The following PLXNA4 variants were observed in gnomAD, a reference collection of about 807,000 sequenced individuals.
PLXNA4 encodes plexin-A4.
In PLXNA4, 44 loss-of-function variants were observed where a neutral mutation model predicts 191.8. The ratio of observed to expected loss-of-function variants is 0.23; its 90% CI spans 0.18 to 0.29. The LOEUF is 0.29. PLXNA4 is among the 10% of genes least tolerant of loss of function. The probability of loss-of-function intolerance (pLI) is 1.00; values close to 1 mark genes in which losing one functional copy is unlikely to be tolerated. For synonymous variants in PLXNA4, 1,082 were observed against 1,009.5 expected (o/e 1.07, Z -1.36); for missense variants, 1,800 against 2,488.8 (o/e 0.72, Z 5.89).
At chr7:132,315,304 A>G (rs1358685388) in intron 3 of PLXNA4, among the ~76,000 whole-genome samples, 1 of 152,248 alleles carries the variant, frequency 6.6e-6, no homozygotes, top group Non-Finnish European at 1.5e-5. Context: ...ACACATTTCA[A>G]ATAAGATTTG....
chr7:132,440,104 C>G (rs893215207), intron 3 of PLXNA4, among the ~76,000 whole-genome samples: 1 of 152,062 alleles, frequency 6.6e-6, no homozygotes, highest in African/African-American at 2.4e-5. Context: ...TCTCCGATTT[C>G]CCCACAAGTG....
chr7:132,198,180 T>C (rs989758019), intron 13 of PLXNA4, among the ~76,000 whole-genome samples: 1 of 152,192 alleles, frequency 6.6e-6, no homozygotes, highest in African/African-American at 2.4e-5. Flanking sequence ...TTTACACTTC[T>C]CTTGCAGATT....
chr7:132,546,615 C>T (rs1800318289), intron 1 of PLXNA4, among the ~76,000 whole-genome samples: 1 of 152,250 alleles, frequency 6.6e-6, no homozygotes, highest in South Asian at 2.1e-4. Flanking sequence ...TTTAATAATA[C>T]ACTGGAGAGC....
chr7:132,142,011 G>T (rs559498257), intron 29 of PLXNA4, among the ~76,000 whole-genome samples: 2 of 152,186 alleles, frequency 1.3e-5, no homozygotes, highest in Non-Finnish European at 2.9e-5. Context: ...AATACAAGGC[G>T]TGAGCCACTG....
chr7:132,255,900 G>C (rs1487838359), intron 4 of PLXNA4, among the ~76,000 whole-genome samples: 3 of 152,264 alleles, frequency 2.0e-5, no homozygotes, highest in Non-Finnish European at 4.4e-5. Context: ...GAAAAGTTAA[G>C]AAAAGACAGG....
intron 2 of PLXNA4, among the ~76,000 whole-genome samples, chr7:132,500,270 C>T (rs910416229): frequency 6.6e-6 from 1 of 152,156 alleles, no homozygotes; most frequent in African/African-American, 2.4e-5. Flanking sequence ...TGATGAAACC[C>T]TGTCTGTACT....
chr7:132,562,804 T>TCC (rs2116674033), intron 1 of PLXNA4, among the ~76,000 whole-genome samples: 1 of 17,636 alleles, frequency 5.7e-5, no homozygotes, highest in Non-Finnish European at 1.4e-4. Context: ...ACCTCCTCCT[T>TCC]CTCCTCCTCC....
At chr7:132,601,729 T>A (rs1802824627) in intron 2 of PLXNA4, among the ~76,000 whole-genome samples, 1 of 152,296 alleles carries the variant, frequency 6.6e-6, no homozygotes, top group South Asian at 2.1e-4. Flanking sequence ...CAGTTTGGGG[T>A]CTTTTTCTGT....
At chr7:132,302,247 G>A (rs1452022449) in intron 3 of PLXNA4, among the ~76,000 whole-genome samples, 1 of 152,082 alleles carries the variant, frequency 6.6e-6, no homozygotes, top group Non-Finnish European at 1.5e-5. Context: ...ATGTGCAAAT[G>A]ATTCTAAACT....
upstream of PLXNA4, among the ~76,000 whole-genome samples, chr7:132,581,248 G>T (rs151316499): frequency 4.9e-4 from 75 of 152,328 alleles, no homozygotes; most frequent in African/African-American, 1.6e-3. Context: ...GCCTTTCAAG[G>T]AAGATGAGGG....
At chr7:132,539,170 C>T (rs1290732349) in intron 1 of PLXNA4, among the ~76,000 whole-genome samples, 1 of 152,186 alleles carries the variant, frequency 6.6e-6, no homozygotes, top group Non-Finnish European at 1.5e-5. Flanking sequence ...CAGGGAGTCT[C>T]AAGAGATTGA....
Position 132,501,892 on chromosome 7 carries a change from T to C in PLXNA4, c.1188+5614A>G, listed in dbSNP as rs148996294. On this transcript the variant is annotated intron_variant, in intron 2 of 31. Coordinates refer to ENST00000321063, the MANE Select transcript of PLXNA4 (RefSeq NM_020911.2). ...TGGGACATGAGTGTGGCATGGGCCA[T>C]GGTGTGTATGGCAAGTGTAGTGGAG... Among the ~76,000 whole-genome samples the C allele has an allele frequency of 2.9e-3, 437 of 152,334 alleles. 3 individuals are homozygous for C. The highest frequency in any genetic ancestry group is 0.01 in the African/African-American group (420 of 41,592).
intron 3 of PLXNA4, among the ~76,000 whole-genome samples, chr7:132,450,444 T>A (rs893513705): frequency 4.6e-5 from 7 of 152,180 alleles, no homozygotes; most frequent in African/African-American, 1.7e-4. Context: ...TCAGAACCAA[T>A]ACCGTAAATG....
rs1335346998 is a variant in PLXNA4, at chr7:132,562,021, CCTCCTCCTT to C, written c.-87+14392_-87+14400del. On this transcript the variant is annotated intron_variant, in intron 1 of 31. Coordinates refer to ENST00000321063, the MANE Select transcript of PLXNA4 (RefSeq NM_020911.2). ...TCTGCCTCCTCCTCCTACTCCTCCT[CCTCCTCCTT>C]CTCCTCCTCTTCCTCCTCCTCTCCC... 1.0e-3 allele frequency among the ~76,000 whole-genome samples: 107 copies of C among 104,348 alleles called. 1 individual carries two copies. The highest frequency in any genetic ancestry group is 2.1e-3 in the Non-Finnish European group (93 of 44,112). 68.5% of individuals were successfully genotyped at this position (104,348 alleles called of 152,430 possible).
At chr7:132,282,353 G>A (rs563716579) in intron 4 of PLXNA4, among the ~76,000 whole-genome samples, 14 of 151,908 alleles carry the variant, frequency 9.2e-5, no homozygotes, top group Non-Finnish European at 2.9e-5. Context: ...CAGGTGGATC[G>A]CTTGAGCTCA....
chr7:132,386,684 A>G (rs1805158539), intron 3 of PLXNA4, among the ~76,000 whole-genome samples: 1 of 152,150 alleles, frequency 6.6e-6, no homozygotes, highest in African/African-American at 2.4e-5. Flanking sequence ...TGAAATACCC[A>G]GCATTCTGCC....
Position 132,216,545 on chromosome 7 carries a change from T to C in PLXNA4, c.2098-5402A>G, listed in dbSNP as rs140027591. Among the ~76,000 whole-genome samples, 73 of 152,324 alleles carry C rather than the reference T, an allele frequency of 4.8e-4. No individual in the cohort carries two copies. In the East Asian group the frequency reaches 0.012, roughly 26 times the overall value. ...GAGCAACTGGCTCTGATAGGCAGCA[T>C]GGGATACTGCTGTGATTCTAATTAA... On this transcript the variant is annotated intron_variant, in intron 9 of 31. Coordinates refer to ENST00000321063, the MANE Select transcript of PLXNA4 (RefSeq NM_020911.2).
intron 3 of PLXNA4, among the ~76,000 whole-genome samples, chr7:132,455,442 C>T (rs1390482043): frequency 6.6e-6 from 1 of 151,732 alleles, no homozygotes; most frequent in African/African-American, 2.4e-5. Flanking sequence ...GTATATGACA[C>T]ACACACACAC....
intron 2 of PLXNA4, among the ~76,000 whole-genome samples, chr7:132,597,822 A>C (rs1036130018): frequency 6.7e-6 from 1 of 150,206 alleles, no homozygotes; most frequent in Non-Finnish European, 1.5e-5. Context: ...TTAAGTTCTA[A>C]GAATCCATCC....
Sources: allele counts gnomAD v4.1 joint callset (sites outside exome capture counted in the v4.1 genomes callset), GRCh38; gene constraint gnomAD v4.1.1; transcripts MANE v1.5; gene names NCBI Gene and HGNC (gene_info 2026-07-23, HGNC 2026-07-21).